DCP1A: variants seen among roughly 807,000 people sequenced by gnomAD.
DCP1A encodes decapping mRNA 1A.
Under a neutral mutation model 58.0 loss-of-function variants are expected in DCP1A, and 20 were observed. The observed-to-expected ratio is 0.34, with a 90% CI of 0.24 to 0.50. The LOEUF is 0.50. Ranked by LOEUF, DCP1A falls within the 20% of genes least tolerant of loss-of-function variation. The pLI is 0.98. For synonymous variants in DCP1A, 285 were observed against 275.1 expected, an observed-to-expected ratio of 1.04 and a Z score of -0.36; for missense variants, 613 against 712.2, an observed-to-expected ratio of 0.86 and a Z score of 1.59.
chr3:53,310,669 T>G (rs1230419629), intron 5 of DCP1A, among the ~76,000 whole-genome samples: 2 of 152,234 alleles, frequency 1.3e-5, no homozygotes, highest in East Asian at 3.8e-4. Context: ...TCATTTGGTT[T>G]CCTAAGAATC....
intron 3 of DCP1A, chr3:53,329,430 CT>C (rs2088942047): frequency 2.5e-6 from 1 of 398,428 alleles, no homozygotes; most frequent in East Asian, 3.6e-5. Context: ...GGGTACTTCT[CT>C]CTGGCTTTTG....
intron 4 of DCP1A, 133 bp downstream of exon 4, chr3:53,319,274 C>T (rs1402822832): frequency 9.2e-6 from 5 of 541,448 alleles, no homozygotes; most frequent in Non-Finnish European, 9.9e-6. Flanking sequence ...TCAGCCTTTT[C>T]CAAGTTTTTG....
At chr3:53,306,027 A>G (rs1488245295) in intron 5 of DCP1A, among the ~76,000 whole-genome samples, 1 of 152,242 alleles carries the variant, frequency 6.6e-6, no homozygotes, top group Non-Finnish European at 1.5e-5. Context: ...CACCAAAAAC[A>G]GTTCAGAAAA....
chr3:53,302,594 G>A (rs1707344293), intron 6 of DCP1A, among the ~76,000 whole-genome samples: 1 of 152,196 alleles, frequency 6.6e-6, no homozygotes, highest in African/African-American at 2.4e-5. Context: ...TAAGAGGATG[G>A]AGGTGAGGAA....
At chr3:53,339,715 T>C (rs965143873) in intron 3 of DCP1A, among the ~76,000 whole-genome samples, 1 of 152,190 alleles carries the variant, frequency 6.6e-6, no homozygotes, top group African/African-American at 2.4e-5. Context: ...CACAGGACTT[T>C]TGCCTTGTGA....
At chr3:53,305,726 AAGTTTTAT>A (rs1707450546) in intron 5 of DCP1A, among the ~76,000 whole-genome samples, 1 of 152,056 alleles carries the variant, frequency 6.6e-6, no homozygotes, top group Non-Finnish European at 1.5e-5. Context: ...TTTCTTCTAA[AAGTTTTAT>A]AGTTTTATAT....
chr3:53,296,342 C>T (rs1467733483), intron 6 of DCP1A, among the ~76,000 whole-genome samples: 2 of 152,214 alleles, frequency 1.3e-5, no homozygotes, highest in African/African-American at 4.8e-5. Context: ...TGGTCACTCC[C>T]AATGCAAAGA....
At chr3:53,339,198 C>T (rs571006045) in intron 3 of DCP1A, among the ~76,000 whole-genome samples, 53 of 152,180 alleles carry the variant, frequency 3.5e-4, no homozygotes, top group African/African-American at 1.2e-3. Flanking sequence ...AGACAAAACA[C>T]ACACTCGAGA....
At chr3:53,327,051 A>G (rs1306943945) in intron 3 of DCP1A, among the ~76,000 whole-genome samples, 1 of 149,188 alleles carries the variant, frequency 6.7e-6, no homozygotes, top group Non-Finnish European at 1.5e-5. Flanking sequence ...CATAAGGGAG[A>G]GACAAAGGCA....
intron 3 of DCP1A, among the ~76,000 whole-genome samples, chr3:53,330,526 A>G (rs572602258): frequency 1.5e-4 from 23 of 151,928 alleles, no homozygotes; most frequent in Non-Finnish European, 2.7e-4. Flanking sequence ...TGTCTCAGAA[A>G]AAAAAAAAAA....
intron 5 of DCP1A, among the ~76,000 whole-genome samples, chr3:53,306,553 C>T (rs1454306095): frequency 2.0e-5 from 3 of 151,322 alleles, no homozygotes; most frequent in African/African-American, 7.3e-5. Flanking sequence ...CCCATCTCTA[C>T]AAAAAATAAA....
chr3:53,347,270 G>A (rs2089302997), intron 1 of DCP1A, 113 bp downstream of exon 1: 6 of 1,297,374 alleles, frequency 4.6e-6, no homozygotes, highest in African/African-American at 1.5e-5. Flanking sequence ...CCCTGGCCTC[G>A]TCTCCACCGC....
chr3:53,321,494 C>T lies in DCP1A; in HGVS notation c.305-2021G>A, dbSNP rs544484768. 1.6e-4 allele frequency among the ~76,000 whole-genome samples: 25 copies of T among 152,232 alleles called. No homozygotes were observed. In the South Asian group the frequency reaches 1.9e-3, roughly 11 times the overall value. Reference sequence around the variant, plus strand: ...CAACACTTTGGGAGGCCAAGATGGGCGGAGCACCTGAGGTCAGGAGTTTGA... The same window carrying T: ...CAACACTTTGGGAGGCCAAGATGGGTGGAGCACCTGAGGTCAGGAGTTTGA... On this transcript the variant is annotated intron_variant, in intron 3 of 9. Coordinates refer to ENST00000610213, the MANE Select transcript of DCP1A (RefSeq NM_018403.7).
At chr3:53,290,756 A>G in intron 8 of DCP1A, 35 bp downstream of exon 8, 1 of 1,368,754 alleles carries the variant, frequency 7.3e-7, no homozygotes, top group Non-Finnish European at 9.9e-7. Flanking sequence ...TCTTAAAAAA[A>G]AAAAAAAAAA....
At chr3:53,343,363 C>T (rs1378933094) in intron 2 of DCP1A, among the ~76,000 whole-genome samples, 1 of 152,180 alleles carries the variant, frequency 6.6e-6, no homozygotes, top group African/African-American at 2.4e-5. Context: ...TTTCCAAACA[C>T]AGTTTCTTGC....
chr3:53,315,785 G>A lies in DCP1A; in HGVS notation c.372-3406C>T, dbSNP rs199947735. Among the ~76,000 whole-genome samples the A allele has an allele frequency of 7.6e-4, 85 of 111,902 alleles. 1 individual carries two copies. In the East Asian group the frequency reaches 0.02, roughly 27 times the overall value. 73.4% of individuals were successfully genotyped at this position (111,902 alleles called of 152,430 possible). On this transcript the variant is annotated intron_variant, in intron 4 of 9. Transcript: ENST00000610213. ...TTTTTTTTTTTTGAGACGGAGTCTC[G>A]CTCTGTCGCCCAGGCTGGAGTGCAG...
At chr3:53,302,932 T>C (rs1423125522) in intron 6 of DCP1A, among the ~76,000 whole-genome samples, 1 of 151,610 alleles carries the variant, frequency 6.6e-6, no homozygotes, top group Non-Finnish European at 1.5e-5. Context: ...AGTTTTATTT[T>C]ATTTTTAAAT....
chr3:53,317,020 A>G (rs1056855561), intron 4 of DCP1A, among the ~76,000 whole-genome samples: 3 of 152,164 alleles, frequency 2.0e-5, no homozygotes, highest in Non-Finnish European at 4.4e-5. Flanking sequence ...TTAGAGCTAA[A>G]AGAGCCAGAT....
chr3:53,315,626 T>C (rs1553689159), intron 4 of DCP1A, among the ~76,000 whole-genome samples: 1 of 151,032 alleles, frequency 6.6e-6, no homozygotes, highest in East Asian at 1.9e-4. Context: ...GGTTTTCAAC[T>C]CTGCCACCAC....
Sources: allele counts gnomAD v4.1 joint callset (sites outside exome capture counted in the v4.1 genomes callset), GRCh38; gene constraint gnomAD v4.1.1; transcripts MANE v1.5; gene names NCBI Gene and HGNC (gene_info 2026-07-23, HGNC 2026-07-21).